Variants in UVRAG observed in about 807,000 individuals in gnomAD.
UVRAG encodes UV radiation resistance-associated gene protein.
UVRAG carries 19 observed loss-of-function variants against 78.0 expected under a neutral mutation model. That is an observed-to-expected ratio of 0.24 (90% CI 0.17 to 0.36). UVRAG has a LOEUF of 0.36. Ranked by LOEUF, UVRAG falls within the 10% of genes least tolerant of loss-of-function variation. The pLI, the probability that UVRAG is intolerant of heterozygous loss-of-function variation, is 1.00. For synonymous variants in UVRAG, 323 were observed against 324.6 expected (o/e 1.00, Z 0.05); for missense variants, 740 against 853.8 (o/e 0.87, Z 1.66).
intron 12 of UVRAG, among the ~76,000 whole-genome samples, chr11:76,034,594 G>C (rs1020946441): frequency 6.6e-6 from 1 of 152,008 alleles, no homozygotes; most frequent in African/African-American, 2.4e-5. Flanking sequence ...ATTAACATAA[G>C]GTCAATGTGG....
intron 12 of UVRAG, among the ~76,000 whole-genome samples, chr11:76,038,444 TA>T (rs1950580844): frequency 1.3e-5 from 2 of 152,188 alleles, no homozygotes; most frequent in South Asian, 4.1e-4. Flanking sequence ...TATTAGGTAT[TA>T]TAAGTAATTT....
At chr11:76,018,994 A>C (rs1024825473) in intron 12 of UVRAG, among the ~76,000 whole-genome samples, 1 of 151,984 alleles carries the variant, frequency 6.6e-6, no homozygotes, top group Non-Finnish European at 1.5e-5. Context: ...GCTATTTTCT[A>C]GTTCTGTAGG....
intron 12 of UVRAG, 117 bp downstream of exon 12, chr11:76,017,097 G>GC: frequency 1.5e-6 from 1 of 648,192 alleles, no homozygotes; most frequent in Non-Finnish European, 2.3e-6. Flanking sequence ...AACCTTTGTA[G>GC]AGTGCCTCAT....
chr11:75,821,985 C>T (rs180953240), intron 1 of UVRAG, among the ~76,000 whole-genome samples: 2 of 141,568 alleles, frequency 1.4e-5, no homozygotes, highest in Admixed American at 1.5e-4. Context: ...GCTCTTGTTG[C>T]CCAGGCTGGA....
In UVRAG at chr11:76,086,427, T is replaced by C. The variant is rs113302575; in HGVS notation, c.1305+20639T>C. ...TCGTATGTTTAAGGATTTAAAGTAT[T>C]GGCTGTATTTTGTTTTCAGTTGTAA... On this transcript the variant is annotated intron_variant, in intron 13 of 14. Transcript: ENST00000356136. 1.7e-3 allele frequency among the ~76,000 whole-genome samples: 263 copies of C among 152,344 alleles called. 1 individual carries two copies. The highest frequency in any genetic ancestry group is 6.1e-3 in the African/African-American group (252 of 41,580).
At chr11:75,915,412 T>C (rs1179059139) in intron 6 of UVRAG, among the ~76,000 whole-genome samples, 1 of 152,224 alleles carries the variant, frequency 6.6e-6, no homozygotes, top group Non-Finnish European at 1.5e-5. Context: ...ACATTTAATG[T>C]GGGATAGTAA....
At chr11:75,891,707 C>T (rs907224312) in intron 5 of UVRAG, among the ~76,000 whole-genome samples, 6 of 152,186 alleles carry the variant, frequency 3.9e-5, no homozygotes, top group South Asian at 4.1e-4. Flanking sequence ...CTCAGCAGTT[C>T]GAGACCAGTC....
rs10553590 is a variant in UVRAG at position 76,004,603 on chromosome 11, TTTCATTCATTCATTCA to T, written c.911+540_911+555del. ...CTTCTTTTTTTAATGTGGAGAAACA[TTTCATTCATTCATTCA>T]TTCATTCATTCATTCATTCATTCAT... On this transcript the variant is annotated intron_variant, in intron 9 of 14. Coordinates refer to ENST00000356136, the MANE Select transcript of UVRAG (RefSeq NM_003369.4). 1.2e-4 allele frequency among the ~76,000 whole-genome samples: 18 copies of T among 148,006 alleles called. No individual in the cohort carries two copies. In the South Asian group the frequency reaches 1.3e-3, roughly 11 times the overall value.
chr11:76,129,936 CTCTCTCTCTCTCGCTT>C (rs1384230377), intron 14 of UVRAG, among the ~76,000 whole-genome samples: 7 of 147,664 alleles, frequency 4.7e-5, no homozygotes, highest in East Asian at 1.9e-4. Context: ...CTCTCTCGCT[CTCTCTCTCTCTCGCTT>C]TCTCTCTCTC....
intron 2 of UVRAG, among the ~76,000 whole-genome samples, chr11:75,853,970 G>A (rs1037893672): frequency 6.6e-6 from 1 of 150,518 alleles, no homozygotes; most frequent in Admixed American, 6.6e-5. Context: ...ACAGGGTTTC[G>A]TCATGTTGGC....
At position 76,126,436 on chromosome 11, in the gene UVRAG, G is replaced by A. The variant is rs111417065; in HGVS notation, c.1397+10421G>A. Among the ~76,000 whole-genome samples, 944 of 151,846 alleles carry A rather than the reference G, an allele frequency of 6.2e-3. 18 individuals are homozygous for A. Among genetic ancestry groups the A allele is most frequent in the African/African-American group, 0.021 (885 of 41,390 alleles). ...AGCCTTCTAAATCCAGTTTACTCTT[G>A]TAGCACATCTCAAGTCAGACTAACC... On this transcript the variant is annotated intron_variant, in intron 14 of 14. Transcript: ENST00000356136.
intron 7 of UVRAG, among the ~76,000 whole-genome samples, chr11:75,967,407 A>T (rs554682385): frequency 6.6e-6 from 1 of 152,326 alleles, no homozygotes; most frequent in East Asian, 1.9e-4. Flanking sequence ...GACTAGGTGT[A>T]GGTCCAGTAG....
At chr11:75,884,239 T>TC (rs200599688) in intron 4 of UVRAG, among the ~76,000 whole-genome samples, 9,262 of 148,888 alleles carry the variant, frequency 0.062, 478 homozygotes, top group African/African-American at 0.13. Context: ...TCTCTCTCTC[T>TC]TTCTCTCTCT....
intron 4 of UVRAG, 25 bp from the exon 5 acceptor site, chr11:75,888,804 A>T: frequency 6.3e-7 from 1 of 1,590,620 alleles, no homozygotes; most frequent in South Asian, 1.1e-5. Flanking sequence ...AAAATAACAA[A>T]TACTGTATTT....
chr11:76,115,758 A>G, intron 13 of UVRAG, 166 bp from the exon 14 acceptor site: 1 of 603,734 alleles, frequency 1.7e-6, no homozygotes. Flanking sequence ...GTGCTTATCT[A>G]TATGTCAAAT....
At chr11:76,134,043 C>T (rs1162354726) in intron 14 of UVRAG, among the ~76,000 whole-genome samples, 1 of 151,192 alleles carries the variant, frequency 6.6e-6, no homozygotes, top group Non-Finnish European at 1.5e-5. Flanking sequence ...ACCTCCACCT[C>T]CTGGGTTCAA....
intron 12 of UVRAG, among the ~76,000 whole-genome samples, chr11:76,034,197 C>T (rs1740261351): frequency 6.6e-6 from 1 of 151,988 alleles, no homozygotes; most frequent in Admixed American, 6.6e-5. Flanking sequence ...ACATTATTTT[C>T]TGTCTATTTC....
chr11:75,896,617 A>G (rs1405569722), intron 5 of UVRAG, among the ~76,000 whole-genome samples: 1 of 152,232 alleles, frequency 6.6e-6, no homozygotes, highest in Non-Finnish European at 1.5e-5. Context: ...TTACCATTGT[A>G]TTAACACTAT....
intron 12 of UVRAG, among the ~76,000 whole-genome samples, chr11:76,043,492 G>A (rs1435726101): frequency 6.6e-6 from 1 of 152,104 alleles, no homozygotes; most frequent in Non-Finnish European, 1.5e-5. Flanking sequence ...ATTGGTATGT[G>A]TCTTCAATAG....
Sources: gnomAD v4.1 joint callset for allele counts (sites outside exome capture counted in the v4.1 genomes callset) on GRCh38, gnomAD v4.1.1 for gene constraint, MANE v1.5 for transcripts, NCBI Gene and HGNC (gene_info 2026-07-23, HGNC 2026-07-21) for gene names.